The following MEIS1 variants were observed in gnomAD, a reference collection of about 807,000 sequenced individuals.
MEIS1 encodes homeobox protein Meis1.
In MEIS1, 5 loss-of-function variants were observed where a neutral mutation model predicts 50.8. That is an observed-to-expected ratio of 0.10 (90% CI 0.05 to 0.21). MEIS1 has a LOEUF of 0.21. Among genes scored for constraint, MEIS1 ranks in the 10% least tolerant of loss-of-function variants. The probability of loss-of-function intolerance (pLI) is 1.00; values close to 1 mark genes in which losing one functional copy is unlikely to be tolerated. For missense variants in MEIS1, 318 were observed against 517.3 expected, an observed-to-expected ratio of 0.61 and a Z score of 3.74; for synonymous variants, 176 against 179.3, an observed-to-expected ratio of 0.98 and a Z score of 0.15.
intron 8 of MEIS1, among the ~76,000 whole-genome samples, chr2:66,522,805 A>G (rs1310235356): frequency 1.3e-5 from 2 of 152,302 alleles, no homozygotes; most frequent in South Asian, 2.1e-4. Context: ...AAGCTTCTTC[A>G]TTTATTTGTA....
intron 7 of MEIS1, among the ~76,000 whole-genome samples, chr2:66,501,188 A>G (rs1673546012): frequency 6.6e-6 from 1 of 152,180 alleles, no homozygotes; most frequent in Non-Finnish European, 1.5e-5. Flanking sequence ...TAGTTCTGAA[A>G]ATTCTTTCTA....
intron 7 of MEIS1, among the ~76,000 whole-genome samples, chr2:66,502,142 T>G (rs1214752478): frequency 6.6e-6 from 1 of 152,222 alleles, no homozygotes; most frequent in Non-Finnish European, 1.5e-5. Context: ...CTAGATCTCT[T>G]ACTTGTATCT....
intron 7 of MEIS1, among the ~76,000 whole-genome samples, chr2:66,511,820 C>T (rs747325300): frequency 4.6e-5 from 7 of 151,588 alleles, no homozygotes; most frequent in Non-Finnish European, 7.4e-5. Flanking sequence ...TTTAACTCCC[C>T]GGTAGGAGTT....
At chr2:66,530,234 T>G (rs1336984433) in intron 8 of MEIS1, among the ~76,000 whole-genome samples, 1 of 150,748 alleles carries the variant, frequency 6.6e-6, no homozygotes, top group African/African-American at 2.4e-5. Flanking sequence ...ATAAAAAGAC[T>G]TTCAGAGTGT....
chr2:66,496,449 G>A (rs776038629), intron 7 of MEIS1, among the ~76,000 whole-genome samples: 1 of 152,134 alleles, frequency 6.6e-6, no homozygotes, highest in African/African-American at 2.4e-5. Context: ...CCTGGTCAGT[G>A]TGAATTGCCC....
intron 6 of MEIS1, among the ~76,000 whole-genome samples, chr2:66,456,050 C>A (rs1324428779): frequency 6.6e-6 from 1 of 152,074 alleles, no homozygotes; most frequent in Admixed American, 6.6e-5. Context: ...CAAGAAAGCA[C>A]AAAAATTCTT....
chr2:66,512,670 G>A (rs1241664840), intron 8 of MEIS1, among the ~76,000 whole-genome samples: 3 of 152,142 alleles, frequency 2.0e-5, no homozygotes, highest in East Asian at 1.9e-4. Flanking sequence ...ATCTTCTGAT[G>A]CTTTAGTGGA....
intron 7 of MEIS1, among the ~76,000 whole-genome samples, chr2:66,485,338 A>T (rs1673116836): frequency 3.3e-5 from 5 of 151,992 alleles, no homozygotes. Context: ...CCCACTTATG[A>T]GTGAGAACAT....
At chr2:66,508,739 G>GA (rs1182176787) in intron 7 of MEIS1, among the ~76,000 whole-genome samples, 1 of 152,236 alleles carries the variant, frequency 6.6e-6, no homozygotes, top group African/African-American at 2.4e-5. Flanking sequence ...TAGTTGCTAA[G>GA]AAGCTGTCAG....
chr2:66,482,986 C>G (rs1673053492), intron 7 of MEIS1, among the ~76,000 whole-genome samples: 1 of 152,148 alleles, frequency 6.6e-6, no homozygotes, highest in Non-Finnish European at 1.5e-5. Flanking sequence ...ACAGGAACAG[C>G]CTAAACTCAC....
At chr2:66,531,029 A>G (rs1325793949) in intron 8 of MEIS1, among the ~76,000 whole-genome samples, 1 of 152,240 alleles carries the variant, frequency 6.6e-6, no homozygotes, top group Non-Finnish European at 1.5e-5. Flanking sequence ...TTTAATTAAG[A>G]CAAATCCACA....
intron 9 of MEIS1, among the ~76,000 whole-genome samples, chr2:66,561,357 T>C (rs1572905821): frequency 6.6e-6 from 1 of 152,224 alleles, no homozygotes; most frequent in Admixed American, 6.5e-5. Context: ...TGTTGGGATT[T>C]GACAACTACC....
chr2:66,487,130 T>A (rs1488537843), intron 7 of MEIS1, among the ~76,000 whole-genome samples: 1 of 152,218 alleles, frequency 6.6e-6, no homozygotes, highest in East Asian at 1.9e-4. Context: ...TCCAATACTG[T>A]GTTGAATAGG....
chr2:66,537,609 A>G (rs1327280031), intron 8 of MEIS1, among the ~76,000 whole-genome samples: 1 of 152,168 alleles, frequency 6.6e-6, no homozygotes, highest in Non-Finnish European at 1.5e-5. Flanking sequence ...CTTCTAACTT[A>G]CGGATACTTT....
At chr2:66,534,777 G>A (rs991763989) in intron 8 of MEIS1, among the ~76,000 whole-genome samples, 3 of 152,078 alleles carry the variant, frequency 2.0e-5, no homozygotes, top group Admixed American at 6.6e-5. Context: ...ATTACATAAA[G>A]CAAAACTATA....
intron 8 of MEIS1, among the ~76,000 whole-genome samples, chr2:66,542,836 G>C (rs190769477): frequency 6.6e-6 from 1 of 152,120 alleles, no homozygotes; most frequent in Non-Finnish European, 1.5e-5. Flanking sequence ...CACTTTCTTG[G>C]CATCCACATT....
chr2:66,523,019 A>T (rs754470251), intron 8 of MEIS1, among the ~76,000 whole-genome samples: 10 of 152,210 alleles, frequency 6.6e-5, no homozygotes, highest in Non-Finnish European at 8.8e-5. Context: ...ATCTTTAAGC[A>T]TGTTACATAT....
At chr2:66,502,055 G>C (rs1167088016) in intron 7 of MEIS1, among the ~76,000 whole-genome samples, 4 of 152,164 alleles carry the variant, frequency 2.6e-5, no homozygotes, top group African/African-American at 9.6e-5. Flanking sequence ...ATTTCAACAG[G>C]GTGGAAATCC....
intron 12 of MEIS1, 92 bp from the exon 13 acceptor site, chr2:66,571,154 C>A: frequency 7.6e-7 from 1 of 1,314,454 alleles, no homozygotes; most frequent in Admixed American, 2.7e-5. Flanking sequence ...TCACAGGGTT[C>A]TCTGGCTTTT....
Sources: gnomAD v4.1 joint callset for allele counts (sites outside exome capture counted in the v4.1 genomes callset) on GRCh38, gnomAD v4.1.1 for gene constraint, MANE v1.5 for transcripts, NCBI Gene and HGNC (gene_info 2026-07-23, HGNC 2026-07-21) for gene names.